The following CDK6 variants were observed in gnomAD, a reference collection of about 807,000 sequenced individuals.
CDK6 encodes the protein cyclin-dependent kinase 6.
In CDK6, 6 loss-of-function variants were observed where a neutral mutation model predicts 37.1. The observed-to-expected ratio is 0.16, with a 90% CI of 0.09 to 0.32. The LOEUF (loss-of-function observed/expected upper bound fraction) is 0.32. CDK6 is among the 10% of genes least tolerant of loss of function. The pLI, the probability that CDK6 is intolerant of heterozygous loss-of-function variation, is 1.00. For missense variants in CDK6, 224 were observed against 418.9 expected (o/e 0.53, Z 4.06); for synonymous variants, 160 against 161.3 (o/e 0.99, Z 0.06).
At chr7:92,648,555 A>G (rs1485239730) in intron 5 of CDK6, among the ~76,000 whole-genome samples, 1 of 152,254 alleles carries the variant, frequency 6.6e-6, no homozygotes, top group Non-Finnish European at 1.5e-5. Flanking sequence ...TTCTTCACAT[A>G]CAGGATACTA....
intron 4 of CDK6, among the ~76,000 whole-genome samples, chr7:92,712,184 G>C (rs949377855): frequency 6.6e-6 from 1 of 151,286 alleles, no homozygotes; most frequent in Non-Finnish European, 1.5e-5. Context: ...AACCATGAGA[G>C]TTTAAGGGAG....
rs1795446536 is a variant in CDK6 at position 92,607,142 on chromosome 7, G to A, written c.*7998C>T. 2 of 233,586 alleles carry A rather than the reference G, an allele frequency of 8.6e-6. No homozygotes were observed. The highest frequency in any genetic ancestry group is 3.6e-4 in the South Asian group (2 of 5,516). 14.5% of individuals were successfully genotyped at this position (233,586 alleles called of 1,614,324 possible). On this transcript the variant is annotated 3_prime_UTR_variant, in exon 8 of 8. Coordinates refer to ENST00000424848, the MANE Select transcript of CDK6 (RefSeq NM_001145306.2). ...CCTCAAGGCACAAGCTGACAGTTCT[G>A]CTTCTACAGAAAAACTCTCACACTG... is the stretch of plus-strand genomic sequence containing the variant.
chr7:92,745,689 G>GA (rs1414323263), intron 3 of CDK6, among the ~76,000 whole-genome samples: 1 of 152,136 alleles, frequency 6.6e-6, no homozygotes, highest in Non-Finnish European at 1.5e-5. Flanking sequence ...ATTTGAGTTT[G>GA]AAAATAACTT....
intron 3 of CDK6, among the ~76,000 whole-genome samples, chr7:92,739,708 C>T (rs1250326566): frequency 6.6e-6 from 1 of 152,178 alleles, no homozygotes; most frequent in African/African-American, 2.4e-5. Context: ...GAACTCCTGT[C>T]TTTAGATTTT....
intron 3 of CDK6, among the ~76,000 whole-genome samples, chr7:92,743,664 T>C (rs889274410): frequency 1.3e-5 from 2 of 152,178 alleles, no homozygotes; most frequent in Non-Finnish European, 2.9e-5. Flanking sequence ...AAGATATCAT[T>C]ACAATGGTTT....
intron 2 of CDK6, among the ~76,000 whole-genome samples, chr7:92,799,971 C>T (rs1800527309): frequency 2.0e-5 from 3 of 152,140 alleles, no homozygotes; most frequent in Non-Finnish European, 4.4e-5. Flanking sequence ...AATGCTATTT[C>T]TAACAGTGAC....
rs1163288497 is a variant in CDK6 at position 92,610,081 on chromosome 7, T to C, written c.*5059A>G. 4.3e-6 allele frequency: 1 copy of C among 230,238 alleles called. No homozygotes were observed. Among genetic ancestry groups the C allele is most frequent in the African/African-American group, 2.2e-5 (1 of 45,232 alleles). The allele number at this position is 230,238 out of a possible 1,614,324, so 14.3% of individuals were successfully genotyped here. A position where few individuals can be genotyped will look rare whatever the true frequency, so the allele number is the denominator to read the frequency against. ...AGTCTTCATCAGATTTGTTTTTCTC[T>C]AAAAGTGCCACCTTGTGGAATATAC... is the stretch of plus-strand genomic sequence containing the variant. On this transcript the variant is annotated 3_prime_UTR_variant, in exon 8 of 8. Transcript: ENST00000424848.
intron 5 of CDK6, among the ~76,000 whole-genome samples, chr7:92,665,267 TCATCCATCCATCCATCCATC>T (rs3831549): frequency 6.6e-6 from 1 of 150,826 alleles, no homozygotes; most frequent in African/African-American, 2.4e-5. Context: ...AACCATCCAA[TCATCCATCCATCCATCCATC>T]CATCCATCCA....
chr7:92,815,548 G>A (rs1801007259), intron 2 of CDK6, among the ~76,000 whole-genome samples: 1 of 152,186 alleles, frequency 6.6e-6, no homozygotes, highest in Non-Finnish European at 1.5e-5. Context: ...TGATCCCTGA[G>A]AGAGGGGAAG....
intron 4 of CDK6, among the ~76,000 whole-genome samples, chr7:92,675,655 CAACAGAA>C (rs1797185252): frequency 6.6e-6 from 1 of 152,116 alleles, no homozygotes; most frequent in Non-Finnish European, 1.5e-5. Flanking sequence ...ATAGTACAAA[CAACAGAA>C]GAATAATCAG....
intron 5 of CDK6, among the ~76,000 whole-genome samples, chr7:92,626,282 G>GT (rs1269436497): frequency 6.6e-6 from 1 of 151,970 alleles, no homozygotes; most frequent in Non-Finnish European, 1.5e-5. Flanking sequence ...TACATATAAT[G>GT]TAAGTCATAT....
At chr7:92,800,340 G>A (rs911185847) in intron 2 of CDK6, among the ~76,000 whole-genome samples, 7 of 152,090 alleles carry the variant, frequency 4.6e-5, no homozygotes, top group Admixed American at 3.3e-4. Context: ...TCTGCCATAC[G>A]TGATGTCATT....
chr7:92,767,010 T>C (rs971104828), intron 3 of CDK6, among the ~76,000 whole-genome samples: 4 of 152,148 alleles, frequency 2.6e-5, no homozygotes, highest in African/African-American at 9.7e-5. Flanking sequence ...TTCCCTTGGC[T>C]CTGCATAGCT....
chr7:92,647,633 T>C (rs1353064169), intron 5 of CDK6, among the ~76,000 whole-genome samples: 1 of 152,250 alleles, frequency 6.6e-6, no homozygotes, highest in Admixed American at 6.5e-5. Context: ...TATAGTTCTC[T>C]GCCTCTGGGA....
intron 4 of CDK6, among the ~76,000 whole-genome samples, chr7:92,711,551 A>ATT (rs1562943375): frequency 1.5e-5 from 2 of 130,532 alleles, no homozygotes; most frequent in South Asian, 2.3e-4. Context: ...GGAATGGTCA[A>ATT]ATTTTTTTTT....
At chr7:92,762,049 T>C (rs1005948780) in intron 3 of CDK6, among the ~76,000 whole-genome samples, 8 of 152,210 alleles carry the variant, frequency 5.3e-5, no homozygotes, top group Non-Finnish European at 1.2e-4. Flanking sequence ...TCAATTTACA[T>C]AGTTTTGTAC....
rs1795509732 is a variant in CDK6, at chr7:92,609,314, T to C, written c.*5826A>G. ...CTAAAATTAACTTAATCATTTGGGG[T>C]ATAAGAAGTCTTTAAGTAGACTTGT... On this transcript the variant is annotated 3_prime_UTR_variant, in exon 8 of 8. Transcript: ENST00000424848. 1 of 232,408 alleles carries C rather than the reference T, an allele frequency of 4.3e-6. No individual in the cohort carries two copies. Among genetic ancestry groups the C allele is most frequent in the Non-Finnish European group, 8.5e-6 (1 of 117,632 alleles). The allele number at this position is 232,408 out of a possible 1,614,324, so 14.4% of individuals were successfully genotyped here.
At chr7:92,753,892 A>T (rs758101460) in intron 3 of CDK6, among the ~76,000 whole-genome samples, 3 of 152,190 alleles carry the variant, frequency 2.0e-5, no homozygotes, top group Non-Finnish European at 4.4e-5. Context: ...TGATATAAAC[A>T]GTTCACCTGG....
chr7:92,643,562 T>C lies in CDK6; in HGVS notation c.648-20476A>G, dbSNP rs187231843. 1.8e-3 allele frequency among the ~76,000 whole-genome samples: 281 copies of C among 152,284 alleles called. 1 individual carries two copies. The highest frequency in any genetic ancestry group is 6.5e-3 in the African/African-American group (270 of 41,570). On this transcript the variant is annotated intron_variant, in intron 5 of 7. Transcript: ENST00000424848. ...TGGAGAATAATAGAAAAAGCCTCTT[T>C]AAGGAGGTGACATTTAACCTAAAGG...
Sources: gnomAD v4.1 joint callset for allele counts (sites outside exome capture counted in the v4.1 genomes callset) on GRCh38, gnomAD v4.1.1 for gene constraint, MANE v1.5 for transcripts, NCBI Gene and HGNC (gene_info 2026-07-23, HGNC 2026-07-21) for gene names.